The following ADAMTSL5 variants were observed in gnomAD, a reference collection of about 807,000 sequenced individuals.
ADAMTSL5 encodes the protein ADAMTS like 5.
Under a neutral mutation model 51.7 loss-of-function variants are expected in ADAMTSL5, and 53 were observed. The observed-to-expected ratio is 1.03, with a 90% CI of 0.82 to 1.29. The LOEUF (loss-of-function observed/expected upper bound fraction) is 1.29, where lower values mean the gene tolerates loss of function less well. Among genes scored for constraint, ADAMTSL5 ranks in the 50% most tolerant of loss-of-function variants. ADAMTSL5 has a pLI of 0.00. For synonymous variants in ADAMTSL5, 285 were observed against 278.7 expected (o/e 1.02, Z -0.23); for missense variants, 770 against 676.2 (o/e 1.14, Z -1.54).
Position 1,506,763 on chromosome 19 carries a change from C to T in ADAMTSL5, c.1018G>A (p.Ala340Thr). 1.3e-6 allele frequency: 2 copies of T among 1,552,156 alleles called. No homozygotes were observed. The highest frequency in any genetic ancestry group is 1.2e-5 in the South Asian group (1 of 84,344). ...QPPAAPAVTP[A>T]QTPTLAPDPC... ...CCTGGGGCCAGCGTTGGGGTCTGTGCAGGGGTGACAGCAGGGGCTGCGGGG... is the reference window on the plus strand; with the variant it reads ...CCTGGGGCCAGCGTTGGGGTCTGTGTAGGGGTGACAGCAGGGGCTGCGGGG... Residue 340 changes from alanine (A) to threonine (T), a missense_variant, in exon 10 of 12, where the codon GCA becomes ACA. Physicochemically the swap from Ala to Thr is moderately conservative, Grantham distance 58 (BLOSUM62 0). Coordinates refer to ENST00000330475, the MANE Select transcript of ADAMTSL5 (RefSeq NM_213604.3). The surrounding 1 kb of genome is among the most constrained non-coding windows in gnomAD (Gnocchi z 5.6).
At chr19:1,510,805 A>G (rs1349103290) in intron 2 of ADAMTSL5, 40 bp downstream of exon 2, 2 of 1,514,042 alleles carry the variant, frequency 1.3e-6, no homozygotes, top group Admixed American at 2.1e-5. Context: ...CTGGGTCCCC[A>G]TTCCCACTCG....
chr19:1,511,177 T>A lies in ADAMTSL5; in HGVS notation c.-217-17A>T, dbSNP rs1599291241. ...GAATGTCATCTGCAATTATTATTGTTGTTAGTTAGTTTGTTTTTGAGACGG... is the reference window on the plus strand; with the variant it reads ...GAATGTCATCTGCAATTATTATTGTAGTTAGTTAGTTTGTTTTTGAGACGG... On this transcript the variant is annotated splice_polypyrimidine_tract_variant and intron_variant, in intron 1 of 11. Transcript: ENST00000330475. 3.6e-6 allele frequency: 1 copy of A among 280,922 alleles called. No homozygotes were observed. The highest frequency in any genetic ancestry group is 5.9e-6 in the Non-Finnish European group (1 of 170,808). 17.4% of individuals were successfully genotyped at this position (280,922 alleles called of 1,614,324 possible). A position where few individuals can be genotyped will look rare whatever the true frequency, so the allele number is the denominator to read the frequency against.
rs1913245447 is a variant in ADAMTSL5 at position 1,511,165 on chromosome 19, A to G, written c.-217-5T>C. Reference sequence around the variant, plus strand: ...AGGAAGAACTCAGAATGTCATCTGCAATTATTATTGTTGTTAGTTAGTTTG... The same window carrying G: ...AGGAAGAACTCAGAATGTCATCTGCGATTATTATTGTTGTTAGTTAGTTTG... On this transcript the variant is annotated splice_polypyrimidine_tract_variant and splice_region_variant and intron_variant, in intron 1 of 11. Transcript: ENST00000330475. The G allele has an allele frequency of 2.8e-6, 1 of 361,746 alleles. No homozygotes were observed. The highest frequency in any genetic ancestry group is 4.0e-5 in the East Asian group (1 of 24,704). 22.4% of individuals were successfully genotyped at this position (361,746 alleles called of 1,614,324 possible). A position where few individuals can be genotyped will look rare whatever the true frequency, so the allele number is the denominator to read the frequency against.
In ADAMTSL5 at chr19:1,511,113, A is replaced by G. The variant is rs72985590; in HGVS notation, c.-170T>C. 0.14 allele frequency: 61,884 copies of G among 441,984 alleles called. 6,253 individuals are homozygous for G. The highest frequency in any genetic ancestry group is 0.45 in the East Asian group (12,764 of 28,082). 27.4% of individuals were successfully genotyped at this position (441,984 alleles called of 1,614,324 possible). A position where few individuals can be genotyped will look rare whatever the true frequency, so the allele number is the denominator to read the frequency against. On this transcript the variant is annotated 5_prime_UTR_variant, in exon 2 of 12. Coordinates refer to ENST00000330475, the MANE Select transcript of ADAMTSL5 (RefSeq NM_213604.3). ...GGGTCCTGTGGATCAGGTAAAGAAG[A>G]CAGGAGACGTGGAGCCCGGTATGGA...
chr19:1,507,349 G>A lies in ADAMTSL5; in HGVS notation c.745C>T (p.Pro249Ser), dbSNP rs1205548696. 4 of 1,591,516 alleles carry A rather than the reference G, an allele frequency of 2.5e-6. No individual in the cohort carries two copies. Among genetic ancestry groups the A allele is most frequent in the Non-Finnish European group, 3.4e-6 (4 of 1,167,858 alleles). The change falls in exon 9 of 12, where the codon CCA becomes TCA. Residue 249 changes from proline to serine, a missense_variant. By Grantham distance (74) the Pro-to-Ser change is moderately conservative. Transcript: ENST00000330475. ...VLNGHWVVSP[P>S]GTYEAAGTHV... ...GTGCCGGCCGCCTCGTAGGTCCCTGGTGGGCTGACCACCCAGTGCCCATTA... is the reference window on the plus strand; with the variant it reads ...GTGCCGGCCGCCTCGTAGGTCCCTGATGGGCTGACCACCCAGTGCCCATTA...
In ADAMTSL5 at chr19:1,508,066, T is replaced by A; in HGVS notation, c.533A>T (p.Asp178Val). The A allele has an allele frequency of 6.2e-7, 1 of 1,610,388 alleles. No homozygotes were observed. ...DGLLGSGALE[D>V]RCGRCGGAND... Reference sequence around the variant, plus strand: ...GGCGCCTCCGCAGCGGCCACAGCGGTCCTCGAGGGCACCCGAGCCCAACAA... The same window carrying A: ...GGCGCCTCCGCAGCGGCCACAGCGGACCTCGAGGGCACCCGAGCCCAACAA... The change falls in exon 7 of 12, where the codon GAC becomes GTC. Residue 178 changes from aspartate (D) to valine (V), a missense_variant. By Grantham distance (152) the Asp-to-Val change is radical. Transcript: ENST00000330475.
In ADAMTSL5 at chr19:1,507,586, C is replaced by G. The variant is rs138308068; in HGVS notation, c.659G>C (p.Arg220Pro). Residue 220 changes from arginine to proline, a missense_variant, in exon 8 of 12, where the codon CGC becomes CCC. Physicochemically the swap from Arg to Pro is moderately radical, Grantham distance 103. Coordinates refer to ENST00000330475, the MANE Select transcript of ADAMTSL5 (RefSeq NM_213604.3). ...GTGGTTGCGGCTCCTGTGTTCCACGCGGATGTGTCTGGCGCCCTCGGGGAT... is the reference window on the plus strand; with the variant it reads ...GTGGTTGCGGCTCCTGTGTTCCACGGGGATGTGTCTGGCGCCCTCGGGGAT... ...TLIPEGARHIRVEHRSRNHLA... is the reference protein window; with the variant it reads ...TLIPEGARHIPVEHRSRNHLA... 9.9e-6 allele frequency: 16 copies of G among 1,613,456 alleles called. No individual in the cohort carries two copies. Among genetic ancestry groups the G allele is most frequent in the Non-Finnish European group, 1.3e-5 (15 of 1,179,986 alleles).
rs751654858 is a variant in ADAMTSL5, at chr19:1,507,316, C to A, written c.778G>T (p.Val260Phe). 6.9e-6 allele frequency: 11 copies of A among 1,595,998 alleles called. No homozygotes were observed. Among genetic ancestry groups the A allele is most frequent in the Non-Finnish European group, 9.4e-6 (11 of 1,170,304 alleles). ...TGGGGCCCTGTGTCTCGGGTGTAGA[C>A]CACATGCGTGCCGGCCGCCTCGTAG... The part of the protein sequence containing the change: ...GTYEAAGTHV[V>F]YTRDTGPQET... Residue 260 changes from valine (V) to phenylalanine (F), a missense_variant, in exon 9 of 12, where the codon GTC becomes TTC. By Grantham distance (50) the Val-to-Phe change is conservative. Transcript: ENST00000330475.
At position 1,505,783 on chromosome 19, in the gene ADAMTSL5, TAA is replaced by T; in HGVS notation, c.*230_*231del. 2.1e-6 allele frequency: 1 copy of T among 474,728 alleles called. No individual in the cohort carries two copies. Among genetic ancestry groups the T allele is most frequent in the Non-Finnish European group, 3.6e-6 (1 of 276,984 alleles). 29.4% of individuals were successfully genotyped at this position (474,728 alleles called of 1,614,324 possible). Reference sequence around the variant, plus strand: ...CTGGCAGCCAAGGAGAGAGGCGAAATAAAAGTCAGAGTCTCCTTAGTGCCTCC... The same window carrying T: ...CTGGCAGCCAAGGAGAGAGGCGAAATAAGTCAGAGTCTCCTTAGTGCCTCC... On this transcript the variant is annotated 3_prime_UTR_variant, in exon 12 of 12. Coordinates refer to ENST00000330475, the MANE Select transcript of ADAMTSL5 (RefSeq NM_213604.3).
At position 1,506,746 on chromosome 19, in the gene ADAMTSL5, C is replaced by T; in HGVS notation, c.1035G>A (p.Leu345=). The T allele has an allele frequency of 6.4e-7, 1 of 1,555,398 alleles. No homozygotes were observed. The highest frequency in any genetic ancestry group is 8.7e-7 in the Non-Finnish European group (1 of 1,149,294). ...TGGCTGTCCCCACCTCACCTGGGGC[C>T]AGCGTTGGGGTCTGTGCAGGGGTGA... ...PAVTPAQTPT[L]APDPCPPCPD... The change falls in exon 10 of 12, where the codon CTG becomes CTA. Residue 345 remains leucine (L), a synonymous_variant. Coordinates refer to ENST00000330475, the MANE Select transcript of ADAMTSL5 (RefSeq NM_213604.3). This position sits in a 1 kb window ranked among gnomAD's most constrained non-coding sequence, Gnocchi z 5.6.
rs1434863868 is a variant in ADAMTSL5, at chr19:1,508,531, T to C, written c.401A>G (p.His134Arg). The C allele has an allele frequency of 2.5e-6, 4 of 1,583,082 alleles. No homozygotes were observed. The African/African-American group carries it at 4.0e-5, about 16-fold the overall frequency. Residue 134 changes from histidine to arginine, a missense_variant, in exon 6 of 12, where the codon CAC becomes CGC. By Grantham distance (29) the His-to-Arg change is conservative (BLOSUM62 0). Transcript: ENST00000330475. Reference sequence around the variant, plus strand: ...GCGGCCGAAGCTGTGGTAGAAGGCGTGCCCCTCAGCCAGGCAGTTGAGGTC... The same window carrying C: ...GCGGCCGAAGCTGTGGTAGAAGGCGCGCCCCTCAGCCAGGCAGTTGAGGTC... ...QCDLNCLAEG[H>R]AFYHSFGRVL...
chr19:1,507,062 G>A, intron 9 of ADAMTSL5, 134 bp from the exon 10 acceptor site: 1 of 1,276,772 alleles, frequency 7.8e-7, no homozygotes, highest in South Asian at 1.4e-5. Flanking sequence ...TCTGTCCCTA[G>A]CTGATCCCCT....
chr19:1,511,799 G>A (rs532857128), intron 1 of ADAMTSL5: 41 of 329,192 alleles, frequency 1.2e-4, no homozygotes, highest in Non-Finnish European at 8.0e-5. Flanking sequence ...GCTGCACCCC[G>A]GCCCCAGGGC....
rs1320023517 is a variant in ADAMTSL5 at position 1,509,733 on chromosome 19, C to A, written c.361+417G>T. 4.6e-5 allele frequency among the ~76,000 whole-genome samples: 7 copies of A among 152,046 alleles called. No individual in the cohort carries two copies. The East Asian group carries it at 1.3e-3, about 29-fold the overall frequency. On this transcript the variant is annotated intron_variant, in intron 5 of 11. Transcript: ENST00000330475. Reference sequence around the variant, plus strand: ...ATGAGGTTGATGGATGGCACTTTGTCCATTCTAGGCTTTTCTTATATCTGT... The same window carrying A: ...ATGAGGTTGATGGATGGCACTTTGTACATTCTAGGCTTTTCTTATATCTGT...
At chr19:1,512,564 C>T (rs1172309647) in intron 1 of ADAMTSL5, among the ~76,000 whole-genome samples, 1 of 152,184 alleles carries the variant, frequency 6.6e-6, no homozygotes, top group African/African-American at 2.4e-5. Context: ...CCTGTAATCC[C>T]AGCTACTTGG....
chr19:1,508,132 G>T, intron 6 of ADAMTSL5, 23 bp from the exon 7 acceptor site: 1 of 1,591,060 alleles, frequency 6.3e-7, no homozygotes, highest in Admixed American at 1.7e-5. Context: ...GGACAGGCGC[G>T]GCGTCACTGA....
At position 1,510,877 on chromosome 19, in the gene ADAMTSL5, G is replaced by T. The variant is rs774078697; in HGVS notation, c.67C>A (p.Leu23Met). ...CTGACCCCCAAACCACAGTTCAGCA[G>T]GGCCCACAGGAAGAGCAGGAGGTTC... ...FQNLLLFLWALLNCGLGVSAQ... is the reference protein window; with the variant it reads ...FQNLLLFLWAMLNCGLGVSAQ... The change falls in exon 2 of 12, where the codon CTG (leucine) becomes ATG (methionine). Residue 23 changes from leucine to methionine, a missense_variant. Coordinates refer to ENST00000330475, the MANE Select transcript of ADAMTSL5 (RefSeq NM_213604.3). 6.5e-7 allele frequency: 1 copy of T among 1,534,372 alleles called. No homozygotes were observed. The highest frequency in any genetic ancestry group is 8.7e-7 in the Non-Finnish European group (1 of 1,148,418).
rs753793260 is a variant in ADAMTSL5 at position 1,506,877 on chromosome 19, G to C, written c.904C>G (p.Arg302Gly). 1 of 1,548,772 alleles carries C rather than the reference G, an allele frequency of 6.5e-7. No homozygotes were observed. The highest frequency in any genetic ancestry group is 2.4e-5 in the East Asian group (1 of 40,886). ...GCCTGGAAGGGGCTGTAGCGCTCCCGAGGGAGCCAGAACTCAAACTCGATG... is the reference window on the plus strand; with the variant it reads ...GCCTGGAAGGGGCTGTAGCGCTCCCCAGGGAGCCAGAACTCAAACTCGATG... Reference protein sequence around the residue: ...PGIEFEFWLPRERYSPFQARV... With the variant: ...PGIEFEFWLPGERYSPFQARV... The change falls in exon 10 of 12, where the codon CGG becomes GGG. Residue 302 changes from arginine to glycine, a missense_variant. Coordinates refer to ENST00000330475, the MANE Select transcript of ADAMTSL5 (RefSeq NM_213604.3). The surrounding 1 kb of genome is among the most constrained non-coding windows in gnomAD (Gnocchi z 5.6).
Position 1,510,204 on chromosome 19 carries a change from C to T in ADAMTSL5, c.307G>A (p.Gly103Ser), listed in dbSNP as rs1467207461. The T allele has an allele frequency of 6.2e-7, 1 of 1,613,138 alleles. No homozygotes were observed. The highest frequency in any genetic ancestry group is 8.5e-7 in the Non-Finnish European group (1 of 1,179,898). The change falls in exon 5 of 12, where the codon GGC (glycine) becomes AGC (serine). Residue 103 changes from glycine (G) to serine (S), a missense_variant. Gly to Ser is a moderately conservative substitution (Grantham distance 56). Coordinates refer to ENST00000330475, the MANE Select transcript of ADAMTSL5 (RefSeq NM_213604.3). ...TTCTGGGTGCCCAGGACAGGGCGGC[C>T]ATTGTACAGGGCACACTGTAGGTCT... is the stretch of plus-strand genomic sequence containing the variant. ...FRDLQCALYN[G>S]RPVLGTQKTY...
Sources: allele counts gnomAD v4.1 joint callset (sites outside exome capture counted in the v4.1 genomes callset), GRCh38; gene constraint gnomAD v4.1.1; non-coding constraint Gnocchi (gnomAD v3.1); transcripts MANE v1.5; gene names NCBI Gene and HGNC (gene_info 2026-07-23, HGNC 2026-07-21).